Variants in DOCK1 observed in about 807,000 individuals in gnomAD.
The protein encoded by DOCK1 is dedicator of cytokinesis protein 1.
DOCK1 carries 138 observed loss-of-function variants against 262.7 expected under a neutral mutation model. The observed-to-expected ratio is 0.53, with a 90% CI of 0.46 to 0.61. The LOEUF (loss-of-function observed/expected upper bound fraction) is 0.61, where lower values mean the gene tolerates loss of function less well. Among genes scored for constraint, DOCK1 ranks in the 20% least tolerant of loss-of-function variants. The probability of loss-of-function intolerance (pLI) is 0.00; values close to 1 mark genes in which losing one functional copy is unlikely to be tolerated. For synonymous variants in DOCK1, 866 were observed against 867.4 expected, an observed-to-expected ratio of 1.00 and a Z score of 0.03; for missense variants, 1,908 against 2,370.7, an observed-to-expected ratio of 0.80 and a Z score of 4.05.
rs560956639 is a variant in DOCK1, at chr10:126,977,014, C to T, written c.131-934C>T. 2.9e-4 allele frequency among the ~76,000 whole-genome samples: 44 copies of T among 152,316 alleles called. 1 individual carries two copies. The highest frequency in any genetic ancestry group is 9.6e-4 in the African/African-American group (40 of 41,582). Reference sequence around the variant, plus strand: ...CCTCCCAAAATGCCAGGATTATAGGCGTGAGCCACTGTGCCTGGCCTCTTT... The same window carrying T: ...CCTCCCAAAATGCCAGGATTATAGGTGTGAGCCACTGTGCCTGGCCTCTTT... On this transcript the variant is annotated intron_variant, in intron 2 of 51. Transcript: ENST00000623213.
chr10:126,991,408 G>A (rs1302631156), intron 6 of DOCK1, among the ~76,000 whole-genome samples: 1 of 152,060 alleles, frequency 6.6e-6, no homozygotes, highest in Non-Finnish European at 1.5e-5. Context: ...GTTCCCAAAT[G>A]CTCTTCTATT....
intron 29 of DOCK1, among the ~76,000 whole-genome samples, chr10:127,297,774 C>A (rs1473780205): frequency 6.6e-6 from 1 of 152,020 alleles, no homozygotes; most frequent in Admixed American, 6.6e-5. Flanking sequence ...AAAATCAGCT[C>A]AATGAGAGGG....
chr10:127,132,934 A>G (rs2050412929), intron 27 of DOCK1, among the ~76,000 whole-genome samples: 1 of 152,198 alleles, frequency 6.6e-6, no homozygotes, highest in South Asian at 2.1e-4. Context: ...GAACATTGAC[A>G]GAAGTGGGCA....
At chr10:126,978,063 T>G in intron 3 of DOCK1, 75 bp downstream of exon 3, 2 of 1,422,434 alleles carry the variant, frequency 1.4e-6, no homozygotes, top group South Asian at 2.3e-5. Flanking sequence ...TTCCATCTCA[T>G]TTGTGTCTGA....
chr10:127,318,837 G>GAGACAATGTCAGAGACAT lies in DOCK1; in HGVS notation c.3045-20169_3045-20168insAGACAATGTCAGAGACAT, dbSNP rs1440414644. Among the ~76,000 whole-genome samples the GAGACAATGTCAGAGACAT allele has an allele frequency of 3.9e-4, 60 of 152,332 alleles. 1 individual carries two copies. The highest frequency in any genetic ancestry group is 1.4e-3 in the African/African-American group (58 of 41,576). On this transcript the variant is annotated intron_variant, in intron 29 of 51. Coordinates refer to ENST00000623213, the MANE Select transcript of DOCK1 (RefSeq NM_001290223.2). The stretch of plus-strand genomic sequence containing the variant: ...GGCCCTGCAATGTCAGAGACTATGA[G>GAGACAATGTCAGAGACAT]TGTTATGAATAGAAATAGATACAGT...
chr10:127,254,808 G>A (rs976210561), intron 28 of DOCK1, among the ~76,000 whole-genome samples: 19 of 152,204 alleles, frequency 1.2e-4, no homozygotes, highest in African/African-American at 4.3e-4. Flanking sequence ...AGAGCATTGG[G>A]AAGCCATTGG....
intron 12 of DOCK1, chr10:127,015,190 A>C (rs1050503684): frequency 1.7e-4 from 10 of 60,034 alleles, no homozygotes; most frequent in Non-Finnish European, 4.2e-4. Flanking sequence ...AAAGAAAAAA[A>C]ATATTTAAAA....
chr10:127,335,306 A>C (rs1053222528), intron 29 of DOCK1, among the ~76,000 whole-genome samples: 1 of 152,142 alleles, frequency 6.6e-6, no homozygotes, highest in African/African-American at 2.4e-5. Context: ...AGTCAGGCGC[A>C]TTCATACCCC....
chr10:127,398,353 A>G (rs1344548394), intron 38 of DOCK1, among the ~76,000 whole-genome samples: 1 of 152,200 alleles, frequency 6.6e-6, no homozygotes, highest in Non-Finnish European at 1.5e-5. Context: ...CACCAAGACT[A>G]GCTGGGCCCT....
At chr10:127,211,932 A>G (rs796328788) in intron 27 of DOCK1, among the ~76,000 whole-genome samples, 1 of 152,234 alleles carries the variant, frequency 6.6e-6, no homozygotes, top group East Asian at 1.9e-4. Flanking sequence ...GTGCGCCAAT[A>G]TTCCAGAGTT....
rs567626434 is a variant in DOCK1, at chr10:127,011,896, T to C, written c.1059-336T>C. ...TGGAGGAATGGCCATAAACATTCTT[T>C]GGGATTAAATGCCTTTCAACCATGT... On this transcript the variant is annotated intron_variant, in intron 11 of 51. Coordinates refer to ENST00000623213, the MANE Select transcript of DOCK1 (RefSeq NM_001290223.2). Among the ~76,000 whole-genome samples, 46 of 152,284 alleles carry C rather than the reference T, an allele frequency of 3.0e-4. 2 individuals carry two copies. The South Asian group carries it at 9.1e-3, about 30-fold the overall frequency.
In DOCK1 at chr10:127,378,968, T is replaced by G. The variant is rs149807807; in HGVS notation, c.3676-1114T>G. On this transcript the variant is annotated intron_variant, in intron 35 of 51. Transcript: ENST00000623213. ...TATCATTTCTTTTCAGAGACATCAA[T>G]TGTAGAAGCAATGCTGGGTTTTGCT... 2.0e-5 allele frequency among the ~76,000 whole-genome samples: 3 copies of G among 152,354 alleles called. No individual in the cohort carries two copies. In the East Asian group the frequency reaches 5.8e-4, roughly 29 times the overall value.
intron 25 of DOCK1, among the ~76,000 whole-genome samples, chr10:127,112,505 G>C (rs1036635360): frequency 3.3e-5 from 5 of 152,116 alleles, no homozygotes; most frequent in African/African-American, 1.2e-4. Flanking sequence ...CTGAAGTCCT[G>C]TTTTGGAAGT....
At chr10:127,334,625 G>A (rs569777866) in intron 29 of DOCK1, among the ~76,000 whole-genome samples, 24 of 152,202 alleles carry the variant, frequency 1.6e-4, no homozygotes, top group African/African-American at 5.8e-4. Context: ...TTTTTAGGTT[G>A]ACATAATTTG....
chr10:126,932,144 G>A (rs2034234995), intron 1 of DOCK1, among the ~76,000 whole-genome samples: 1 of 152,148 alleles, frequency 6.6e-6, no homozygotes, highest in Non-Finnish European at 1.5e-5. Context: ...GATTATCTGA[G>A]CCCACAGGCC....
chr10:127,162,664 A>C (rs555568090), intron 27 of DOCK1, among the ~76,000 whole-genome samples: 6 of 152,298 alleles, frequency 3.9e-5, no homozygotes, highest in African/African-American at 1.4e-4. Flanking sequence ...CTCATTTAAC[A>C]TGTCAGGATA....
chr10:127,284,678 G>A (rs372786192), intron 29 of DOCK1, among the ~76,000 whole-genome samples: 2 of 152,168 alleles, frequency 1.3e-5, no homozygotes, highest in South Asian at 2.1e-4. Flanking sequence ...CTTGAGGGCA[G>A]GATTTCGAAG....
At chr10:127,349,421 T>C (rs1178801288) in intron 31 of DOCK1, among the ~76,000 whole-genome samples, 1 of 152,124 alleles carries the variant, frequency 6.6e-6, no homozygotes, top group Non-Finnish European at 1.5e-5. Context: ...TGGTGTCTGC[T>C]CTCTCTTGTC....
chr10:127,350,815 A>C (rs1184473734), intron 31 of DOCK1, among the ~76,000 whole-genome samples: 1 of 152,114 alleles, frequency 6.6e-6, no homozygotes, highest in Non-Finnish European at 1.5e-5. Flanking sequence ...GATCTAAATG[A>C]CCATTGCAAC....
Sources: gnomAD v4.1 joint callset for allele counts (sites outside exome capture counted in the v4.1 genomes callset) on GRCh38, gnomAD v4.1.1 for gene constraint, MANE v1.5 for transcripts, NCBI Gene and HGNC (gene_info 2026-07-23, HGNC 2026-07-21) for gene names.